Variants in CFAP54 observed in about 807,000 individuals in gnomAD.
The protein encoded by CFAP54 is cilia and flagella associated protein 54, also known as cilia- and flagella-associated protein 54.
CFAP54 carries 290 observed loss-of-function variants against 370.4 expected under a neutral mutation model. That is an observed-to-expected ratio of 0.78 (90% CI 0.71 to 0.86). The LOEUF (loss-of-function observed/expected upper bound fraction) is 0.86, where lower values mean the gene tolerates loss of function less well. Ranked by LOEUF, CFAP54 falls within the 40% of genes least tolerant of loss-of-function variation. The pLI is 0.00. For missense variants in CFAP54, 3,399 were observed against 3,528.7 expected, an observed-to-expected ratio of 0.96 and a Z score of 0.93; for synonymous variants, 1,206 against 1,236.5, an observed-to-expected ratio of 0.98 and a Z score of 0.52.
intron 17 of CFAP54, among the ~76,000 whole-genome samples, chr12:96,562,277 C>A (rs1251185529): frequency 6.6e-6 from 1 of 152,066 alleles, no homozygotes; most frequent in East Asian, 1.9e-4. Flanking sequence ...TATTAAAAAC[C>A]TACTAAGTAA....
chr12:96,802,030 C>T (rs75555176), intron 63 of CFAP54, among the ~76,000 whole-genome samples: 4 of 152,104 alleles, frequency 2.6e-5, no homozygotes, highest in Non-Finnish European at 5.9e-5. Flanking sequence ...TGGGAAGGGT[C>T]CTGCCCTCCC....
At chr12:96,500,068 T>G (rs2136347086) in intron 1 of CFAP54, among the ~76,000 whole-genome samples, 1 of 152,316 alleles carries the variant, frequency 6.6e-6, no homozygotes, top group African/African-American at 2.4e-5. Context: ...ATTCAGCATG[T>G]GCGTGGATAA....
chr12:96,641,062 C>G (rs1245969652), intron 32 of CFAP54, among the ~76,000 whole-genome samples: 3 of 152,046 alleles, frequency 2.0e-5, no homozygotes, highest in Non-Finnish European at 4.4e-5. Flanking sequence ...CAAGAAAAGC[C>G]AAAATTGACA....
At position 96,527,233 on chromosome 12, in the gene CFAP54, T is replaced by C; in HGVS notation, c.1159-13T>C. On this transcript the variant is annotated splice_polypyrimidine_tract_variant and intron_variant, in intron 8 of 67. Coordinates refer to ENST00000524981, the MANE Select transcript of CFAP54 (RefSeq NM_001306084.2). ...TAACAAATGGACTGAACTTTTTTTT[T>C]TCTCAATTTCAGTTATCATGGCCAC... 12 of 1,500,726 alleles carry C rather than the reference T, an allele frequency of 8.0e-6. No homozygotes were observed. Among genetic ancestry groups the C allele is most frequent in the Non-Finnish European group, 1.1e-5 (12 of 1,130,378 alleles). The allele number at this position is 1,500,726 out of a possible 1,614,324, so 93.0% of individuals were successfully genotyped here.
chr12:96,810,090 C>T (rs1229614887), intron 63 of CFAP54, among the ~76,000 whole-genome samples: 7 of 151,868 alleles, frequency 4.6e-5, no homozygotes, highest in Admixed American at 3.3e-4. Flanking sequence ...TGTACCCACC[C>T]AGATGAAAGG....
intron 63 of CFAP54, among the ~76,000 whole-genome samples, chr12:96,810,012 A>G (rs980595942): frequency 6.6e-6 from 1 of 152,156 alleles, no homozygotes; most frequent in Non-Finnish European, 1.5e-5. Flanking sequence ...ATTTAACATA[A>G]GCAGAGAGCA....
At chr12:96,750,125 C>G (rs1202853950) in intron 55 of CFAP54, among the ~76,000 whole-genome samples, 1 of 152,238 alleles carries the variant, frequency 6.6e-6, no homozygotes, top group African/African-American at 2.4e-5. Flanking sequence ...CTCTTTGGAG[C>G]TAGAGACCTT....
intron 26 of CFAP54, among the ~76,000 whole-genome samples, chr12:96,601,403 T>C (rs1956240679): frequency 6.6e-6 from 1 of 152,250 alleles, no homozygotes. Flanking sequence ...TCAGGGATAA[T>C]GGCCTGAAAT....
intron 65 of CFAP54, among the ~76,000 whole-genome samples, chr12:96,819,595 C>T (rs1959009757): frequency 1.3e-5 from 2 of 152,132 alleles, no homozygotes; most frequent in African/African-American, 4.8e-5. Flanking sequence ...ATTGTTACCT[C>T]ACAAAATTTA....
intron 50 of CFAP54, among the ~76,000 whole-genome samples, chr12:96,738,959 C>T (rs1958016689): frequency 6.6e-6 from 1 of 152,154 alleles, no homozygotes; most frequent in Admixed American, 6.5e-5. Flanking sequence ...TACGACCCAG[C>T]CTAATGTCCT....
intron 65 of CFAP54, among the ~76,000 whole-genome samples, chr12:96,820,759 T>C (rs1384290104): frequency 1.3e-5 from 2 of 152,192 alleles, no homozygotes; most frequent in African/African-American, 4.8e-5. Context: ...TTTTATAAAG[T>C]GCATGATTGC....
intron 14 of CFAP54, among the ~76,000 whole-genome samples, chr12:96,546,722 G>A (rs757558583): frequency 1.3e-5 from 2 of 151,972 alleles, no homozygotes; most frequent in Non-Finnish European, 2.9e-5. Context: ...CCAGCTGCTC[G>A]GGAGGCTGAG....
Position 96,735,938 on chromosome 12 carries a change from C to T in CFAP54, c.6966-4018C>T, listed in dbSNP as rs187052679. Among the ~76,000 whole-genome samples the T allele has an allele frequency of 4.0e-5, 6 of 151,660 alleles. No homozygotes were observed. In the East Asian group the frequency reaches 9.7e-4, roughly 25 times the overall value. ...GGAAATAGTCTTATGGCAGAAGACACAAAACAAAGGAAAAAGGAAGAATAC... is the reference window on the plus strand; with the variant it reads ...GGAAATAGTCTTATGGCAGAAGACATAAAACAAAGGAAAAAGGAAGAATAC... On this transcript the variant is annotated intron_variant, in intron 50 of 67. Coordinates refer to ENST00000524981, the MANE Select transcript of CFAP54 (RefSeq NM_001306084.2).
intron 30 of CFAP54, among the ~76,000 whole-genome samples, chr12:96,628,024 G>A (rs1004663489): frequency 2.0e-5 from 3 of 152,204 alleles, no homozygotes; most frequent in African/African-American, 7.2e-5. Context: ...ATCGCCTACA[G>A]CGTTCAGTAT....
At chr12:96,663,240 G>A (rs1772794493) in intron 38 of CFAP54, among the ~76,000 whole-genome samples, 1 of 152,170 alleles carries the variant, frequency 6.6e-6, no homozygotes, top group African/African-American at 2.4e-5. Flanking sequence ...ATCAGACTGG[G>A]GTTCCAGGAG....
At chr12:96,497,961 G>C (rs1954976575) in intron 1 of CFAP54, among the ~76,000 whole-genome samples, 1 of 152,166 alleles carries the variant, frequency 6.6e-6, no homozygotes, top group Admixed American at 6.6e-5. Context: ...TCTTCCCACT[G>C]CACTCTGTGA....
chr12:96,674,336 C>CTTTTTTTT (rs5800259), intron 39 of CFAP54, among the ~76,000 whole-genome samples: 2 of 125,014 alleles, frequency 1.6e-5, no homozygotes, highest in Admixed American at 8.6e-5. Context: ...CAATGTTTTT[C>CTTTTTTTT]TTTTTTTTTT....
intron 3 of CFAP54, 97 bp from the exon 4 acceptor site, chr12:96,506,831 C>G (rs1287753459): frequency 9.6e-7 from 1 of 1,045,838 alleles, no homozygotes; most frequent in Admixed American, 3.1e-5. Flanking sequence ...AGGTGATTTG[C>G]CCACCTTGGC....
chr12:96,757,191 TG>T (rs1306047244), intron 57 of CFAP54, among the ~76,000 whole-genome samples: 3 of 152,224 alleles, frequency 2.0e-5, no homozygotes, highest in African/African-American at 7.2e-5. Context: ...ACTGATTTAG[TG>T]TCTTGTGTGC....
Sources: gnomAD v4.1 joint callset for allele counts (sites outside exome capture counted in the v4.1 genomes callset) on GRCh38, gnomAD v4.1.1 for gene constraint, MANE v1.5 for transcripts, NCBI Gene and HGNC (gene_info 2026-07-23, HGNC 2026-07-21) for gene names.